CSMD1: variants seen among roughly 807,000 people sequenced by gnomAD.
The protein encoded by CSMD1 is CUB and Sushi multiple domains 1.
Under a neutral mutation model 417.5 loss-of-function variants are expected in CSMD1, and 213 were observed. The ratio of observed to expected loss-of-function variants is 0.51; its 90% CI spans 0.46 to 0.57. CSMD1 has a LOEUF of 0.57. Among genes scored for constraint, CSMD1 ranks in the 20% least tolerant of loss-of-function variants. The pLI is 0.00. For missense variants in CSMD1, 6,923 were observed against 4,529.7 expected, an observed-to-expected ratio of 1.53 and a Z score of -15.17; for synonymous variants, 2,862 against 1,736.8, an observed-to-expected ratio of 1.65 and a Z score of -16.11.
chr8:3,995,919 G>A (rs1444675574), intron 5 of CSMD1, among the ~76,000 whole-genome samples: 2 of 152,138 alleles, frequency 1.3e-5, no homozygotes, highest in Non-Finnish European at 1.5e-5. Flanking sequence ...TACAGAGAGA[G>A]ATTCCAGTGA....
intron 3 of CSMD1, among the ~76,000 whole-genome samples, chr8:4,261,349 C>A (rs1174137655): frequency 3.9e-5 from 6 of 152,076 alleles, no homozygotes; most frequent in Non-Finnish European, 8.8e-5. Flanking sequence ...GATGTGGAAT[C>A]TAAGAACATC....
chr8:3,214,360 G>A (rs1442392), intron 30 of CSMD1, 137 bp downstream of exon 30: 187,854 of 698,346 alleles, frequency 0.27, 26,604 homozygotes, highest in African/African-American at 0.41. Flanking sequence ...ACTGATATTC[G>A]TTCCACACTA....
chr8:4,364,437 T>TGA (rs1307437012), intron 3 of CSMD1, among the ~76,000 whole-genome samples: 3 of 152,182 alleles, frequency 2.0e-5, no homozygotes, highest in East Asian at 3.9e-4. Flanking sequence ...CATTTGTTTT[T>TGA]CATGTTTTTT....
At position 4,415,354 on chromosome 8, in the gene CSMD1, G is replaced by A. The variant is rs151153966; in HGVS notation, c.415+4599C>T. On this transcript the variant is annotated intron_variant, in intron 3 of 69. Coordinates refer to ENST00000635120, the MANE Select transcript of CSMD1 (RefSeq NM_033225.6). ...TCTGCAGGGATTCCTCCTTACTCAG[G>A]AAGATCCTTCTGTTGTCTCTCTTCC... Among the ~76,000 whole-genome samples the A allele has an allele frequency of 2.3e-3, 346 of 152,250 alleles. 3 individuals carry two copies. The highest frequency in any genetic ancestry group is 4.4e-3 in the Admixed American group (67 of 15,304).
At chr8:4,757,959 CAAAAA>C (rs35869578) in intron 1 of CSMD1, among the ~76,000 whole-genome samples, 2 of 72,054 alleles carry the variant, frequency 2.8e-5, no homozygotes, top group Non-Finnish European at 2.7e-5. Flanking sequence ...GACTTTGTCT[CAAAAA>C]AAAAAAAAAA....
chr8:4,951,444 GGAAGGAAGGAAGGAAA>G (rs1808738935), intron 1 of CSMD1, among the ~76,000 whole-genome samples: 2 of 149,214 alleles, frequency 1.3e-5, no homozygotes, highest in African/African-American at 2.5e-5. Flanking sequence ...AAAGAAAGAG[GGAAGGAAGGAAGGAAA>G]GAAGGAAGGA....
intron 26 of CSMD1, among the ~76,000 whole-genome samples, chr8:3,275,671 C>A (rs548993077): frequency 1.3e-5 from 2 of 152,284 alleles, no homozygotes; most frequent in South Asian, 4.1e-4. Flanking sequence ...CGCTTCATTT[C>A]ATTCATTTCA....
chr8:4,927,421 G>A (rs952289115), intron 1 of CSMD1, among the ~76,000 whole-genome samples: 11 of 152,134 alleles, frequency 7.2e-5, no homozygotes, highest in African/African-American at 2.2e-4. Context: ...AACTGTCAGT[G>A]AGGCACAGTG....
At chr8:4,041,088 C>A (rs892760383) in intron 3 of CSMD1, among the ~76,000 whole-genome samples, 2 of 141,816 alleles carry the variant, frequency 1.4e-5, no homozygotes, top group Admixed American at 7.3e-5. Flanking sequence ...GCGATCTCGG[C>A]TCACTGCAAG....
At chr8:3,393,853 G>A (rs1811500453) in intron 17 of CSMD1, among the ~76,000 whole-genome samples, 2 of 151,048 alleles carry the variant, frequency 1.3e-5, no homozygotes, top group Admixed American at 1.3e-4. Context: ...GTGTGGGGAG[G>A]GGGCAGGGAT....
intron 6 of CSMD1, among the ~76,000 whole-genome samples, chr8:3,710,814 G>C (rs1373970994): frequency 6.6e-6 from 1 of 152,126 alleles, no homozygotes; most frequent in Non-Finnish European, 1.5e-5. Context: ...GATGCACAGG[G>C]AAGACTATGC....
chr8:4,580,290 T>A (rs1799350654), intron 2 of CSMD1, among the ~76,000 whole-genome samples: 1 of 152,210 alleles, frequency 6.6e-6, no homozygotes, highest in South Asian at 2.1e-4. Flanking sequence ...GGTGTCTCCA[T>A]GCTCATTAAT....
intron 14 of CSMD1, among the ~76,000 whole-genome samples, chr8:3,406,701 T>C (rs564438000): frequency 3.8e-4 from 58 of 152,228 alleles, no homozygotes; most frequent in Non-Finnish European, 7.3e-4. Context: ...GAAACAATTA[T>C]TGTCCAATTC....
rs1330164115 is a variant in CSMD1 at position 3,511,819 on chromosome 8, T to TAACATAACAC, written c.1345-18094_1345-18093insGTGTTATGTT. Reference sequence around the variant, plus strand: ...TAACATAACATAACATAACATAACATAACAATAAATAAAATAAAATAAAAA... The same window carrying TAACATAACAC: ...TAACATAACATAACATAACATAACATAACATAACACAACAATAAATAAAATAAAATAAAAA... On this transcript the variant is annotated intron_variant, in intron 10 of 69. Coordinates refer to ENST00000635120, the MANE Select transcript of CSMD1 (RefSeq NM_033225.6). 3.9e-3 allele frequency among the ~76,000 whole-genome samples: 559 copies of TAACATAACAC among 142,526 alleles called. 3 individuals carry two copies. The highest frequency in any genetic ancestry group is 0.014 in the African/African-American group (539 of 38,716). 93.5% of individuals were successfully genotyped at this position (142,526 alleles called of 152,430 possible).
chr8:4,210,614 T>A (rs1800248064), intron 3 of CSMD1, among the ~76,000 whole-genome samples: 1 of 152,142 alleles, frequency 6.6e-6, no homozygotes, highest in Non-Finnish European at 1.5e-5. Flanking sequence ...CAATAGCTAA[T>A]TAAATAATAT....
chr8:4,892,251 G>C (rs1323456290), intron 1 of CSMD1, among the ~76,000 whole-genome samples: 1 of 152,006 alleles, frequency 6.6e-6, no homozygotes, highest in African/African-American at 2.4e-5. Flanking sequence ...TTCTAAAATG[G>C]TAATACCACC....
At chr8:3,908,952 A>T (rs1308414200) in intron 5 of CSMD1, among the ~76,000 whole-genome samples, 1 of 152,208 alleles carries the variant, frequency 6.6e-6, no homozygotes, top group Non-Finnish European at 1.5e-5. Flanking sequence ...GGGCTCCTTC[A>T]CTACTGTTCT....
At chr8:3,840,959 G>C (rs7003534) in intron 5 of CSMD1, among the ~76,000 whole-genome samples, 1 of 151,760 alleles carries the variant, frequency 6.6e-6, no homozygotes. Flanking sequence ...CTCCTGCCTC[G>C]GCCTCCCAAA....
chr8:3,979,246 G>T (rs945949706), intron 5 of CSMD1, among the ~76,000 whole-genome samples: 2 of 152,148 alleles, frequency 1.3e-5, no homozygotes, highest in African/African-American at 4.8e-5. Context: ...GAAATTTAGG[G>T]CATCTTTTTG....
Sources: gnomAD v4.1 joint callset for allele counts (sites outside exome capture counted in the v4.1 genomes callset) on GRCh38, gnomAD v4.1.1 for gene constraint, MANE v1.5 for transcripts, NCBI Gene and HGNC (gene_info 2026-07-23, HGNC 2026-07-21) for gene names.